Variants in TAFA2 observed in about 807,000 individuals in gnomAD.
TAFA2 encodes TAFA chemokine like family member 2, also known as chemokine-like protein TAFA-2.
TAFA2 carries 7 observed loss-of-function variants against 18.8 expected under a neutral mutation model. The ratio of observed to expected loss-of-function variants is 0.37; its 90% confidence interval spans 0.21 to 0.70. The LOEUF (loss-of-function observed/expected upper bound fraction) is 0.70, where lower values mean the gene tolerates loss of function less well. Among genes scored for constraint, TAFA2 ranks in the 30% least tolerant of loss-of-function variants. The pLI, the probability that TAFA2 is intolerant of heterozygous loss-of-function variation, is 0.53. For synonymous variants in TAFA2, 60 were observed against 54.2 expected (o/e 1.11, Z -0.47); for missense variants, 122 against 158.1 (o/e 0.77, Z 1.23).
At chr12:61,841,595 T>C (rs1482052348) in intron 2 of TAFA2, among the ~76,000 whole-genome samples, 2 of 152,118 alleles carry the variant, frequency 1.3e-5, no homozygotes, top group African/African-American at 4.8e-5. Flanking sequence ...CCAGGTTTGT[T>C]CTTTTTGCCT....
At chr12:62,103,251 C>T (rs1869288036) in intron 1 of TAFA2, among the ~76,000 whole-genome samples, 1 of 152,232 alleles carries the variant, frequency 6.6e-6, no homozygotes, top group African/African-American at 2.4e-5. Flanking sequence ...ATTCACCTTG[C>T]TAACACTGAC....
chr12:61,835,362 T>TG (rs888385854), intron 2 of TAFA2, among the ~76,000 whole-genome samples: 1 of 151,970 alleles, frequency 6.6e-6, no homozygotes, highest in Admixed American at 6.6e-5. Context: ...AAAGATATTT[T>TG]GGGGGGCCTG....
intron 1 of TAFA2, among the ~76,000 whole-genome samples, chr12:62,151,256 C>T (rs1334942812): frequency 6.7e-6 from 1 of 149,124 alleles, no homozygotes; most frequent in East Asian, 1.9e-4. Flanking sequence ...TGCTTGCTTC[C>T]TCCTGATGTG....
chr12:61,962,043 A>T (rs542139182), intron 1 of TAFA2, among the ~76,000 whole-genome samples: 1 of 152,146 alleles, frequency 6.6e-6, no homozygotes, highest in South Asian at 2.1e-4. Context: ...CACTTGATTT[A>T]CAACAATACT....
intron 4 of TAFA2, 128 bp downstream of exon 4, chr12:61,753,493 TG>T: frequency 1.3e-6 from 1 of 792,324 alleles, no homozygotes. Flanking sequence ...AAGAAAAAAA[TG>T]GGGAAAACAT....
intron 1 of TAFA2, among the ~76,000 whole-genome samples, chr12:62,188,534 C>T (rs988916633): frequency 6.6e-6 from 1 of 152,084 alleles, no homozygotes; most frequent in Non-Finnish European, 1.5e-5. Flanking sequence ...TCTGACAGGA[C>T]CTTTTCTTAG....
At chr12:61,935,789 AT>A (rs1444102991) in intron 1 of TAFA2, among the ~76,000 whole-genome samples, 1 of 152,132 alleles carries the variant, frequency 6.6e-6, no homozygotes, top group Non-Finnish European at 1.5e-5. Context: ...AGCCCCCAAG[AT>A]TGAACTAGGA....
rs982381885 is a variant in TAFA2 at position 62,192,755 on chromosome 12, T to C, written c.-1498A>G. 1 of 152,194 alleles carries C rather than the reference T, an allele frequency of 6.6e-6. No homozygotes were observed. Among genetic ancestry groups the C allele is most frequent in the Non-Finnish European group, 1.5e-5 (1 of 68,058 alleles). The allele number at this position is 152,194 out of a possible 1,614,324, so 9.4% of individuals were successfully genotyped here. On this transcript the variant is annotated 5_prime_UTR_variant, in exon 1 of 5. Coordinates refer to ENST00000416284, the MANE Select transcript of TAFA2 (RefSeq NM_178539.5). ...TCTCTCTCCCAACAGCCAGTTCTGT[T>C]AGCCCCAGCAACTGCCGTTGAGAGC...
chr12:61,713,680 G>T (rs1263505977), intron 4 of TAFA2, among the ~76,000 whole-genome samples: 5 of 152,004 alleles, frequency 3.3e-5, no homozygotes, highest in Non-Finnish European at 7.4e-5. Flanking sequence ...ACTATGCAAG[G>T]TCCAAATACT....
rs1362146228 is a variant in TAFA2, at chr12:62,145,010, T to C, written c.-2+46249A>G. On this transcript the variant is annotated intron_variant, in intron 1 of 4. Transcript: ENST00000416284. ...TTACTTTTCTCCAAAGCCTTCTAAG[T>C]GGATGTTCCCTTCAACAATAATCAA... is the stretch of plus-strand genomic sequence containing the variant. Among the ~76,000 whole-genome samples the C allele has an allele frequency of 2.6e-5, 4 of 152,244 alleles. No homozygotes were observed. In the South Asian group the frequency reaches 8.3e-4, roughly 31 times the overall value.
At position 62,120,789 on chromosome 12, in the gene TAFA2, T is replaced by C. The variant is rs1870157676; in HGVS notation, c.-2+70470A>G. On this transcript the variant is annotated intron_variant, in intron 1 of 4. Transcript: ENST00000416284. ...CCAGAGTCTCTAGTGGGGTATCCCATCTAGGCCTTCCATTTCCAATGGCTG... is the reference window on the plus strand; with the variant it reads ...CCAGAGTCTCTAGTGGGGTATCCCACCTAGGCCTTCCATTTCCAATGGCTG... Among the ~76,000 whole-genome samples, 2 of 152,048 alleles carry C rather than the reference T, an allele frequency of 1.3e-5. 1 individual carries two copies. Among genetic ancestry groups the C allele is most frequent in the South Asian group, 4.1e-4 (2 of 4,832 alleles).
At chr12:61,934,640 A>G (rs1877692071) in intron 1 of TAFA2, among the ~76,000 whole-genome samples, 1 of 152,218 alleles carries the variant, frequency 6.6e-6, no homozygotes, top group African/African-American at 2.4e-5. Flanking sequence ...AATGACTTCA[A>G]CTTCTCCAGA....
intron 1 of TAFA2, among the ~76,000 whole-genome samples, chr12:62,136,584 A>T (rs111962424): frequency 1.1e-3 from 160 of 152,308 alleles, no homozygotes; most frequent in African/African-American, 3.6e-3. Context: ...AGGTATAAAG[A>T]CATCCAAAGC....
At chr12:61,720,324 G>A (rs1049786283) in intron 4 of TAFA2, among the ~76,000 whole-genome samples, 5 of 152,120 alleles carry the variant, frequency 3.3e-5, no homozygotes, top group Non-Finnish European at 5.9e-5. Flanking sequence ...CCAAATAATA[G>A]CACTTTGAAC....
chr12:61,765,802 T>G (rs1869764417), intron 2 of TAFA2, among the ~76,000 whole-genome samples: 1 of 152,092 alleles, frequency 6.6e-6, no homozygotes, highest in African/African-American at 2.4e-5. Context: ...ATCATAGATT[T>G]TTTTAGAGAC....
chr12:62,175,287 C>T (rs1197107759), intron 1 of TAFA2, among the ~76,000 whole-genome samples: 1 of 152,180 alleles, frequency 6.6e-6, no homozygotes, highest in Non-Finnish European at 1.5e-5. Flanking sequence ...GGGTCCCAGA[C>T]ACAGGTCTGT....
intron 1 of TAFA2, among the ~76,000 whole-genome samples, chr12:62,009,169 T>C (rs1880649095): frequency 6.6e-6 from 1 of 152,150 alleles, no homozygotes; most frequent in South Asian, 2.1e-4. Flanking sequence ...TTATAGCATT[T>C]TGCAAAACAC....
chr12:61,812,332 C>T (rs1170107720), intron 2 of TAFA2, among the ~76,000 whole-genome samples: 2 of 151,528 alleles, frequency 1.3e-5, no homozygotes, highest in Non-Finnish European at 2.9e-5. Flanking sequence ...GTCAGATGGC[C>T]ATCTGATGTC....
At chr12:61,964,446 C>A (rs2582335) in intron 1 of TAFA2, among the ~76,000 whole-genome samples, 135,359 of 151,786 alleles carry the variant, frequency 0.89, 60,367 homozygotes, top group South Asian at 0.94. Flanking sequence ...ATGACCTGCT[C>A]TCTGAGTAAG....
Sources: allele counts gnomAD v4.1 joint callset (sites outside exome capture counted in the v4.1 genomes callset), GRCh38; gene constraint gnomAD v4.1.1; transcripts MANE v1.5; gene names NCBI Gene and HGNC (gene_info 2026-07-23, HGNC 2026-07-21).